LRRIQ3: variants seen among roughly 807,000 people sequenced by gnomAD.
The protein encoded by LRRIQ3 is leucine rich repeats and IQ motif containing 3, also known as leucine-rich repeat and IQ domain-containing protein 3.
LRRIQ3 carries 75 observed loss-of-function variants against 59.3 expected under a neutral mutation model. The observed-to-expected ratio is 1.26, with a 90% CI of 1.05 to 1.53. The LOEUF (loss-of-function observed/expected upper bound fraction) is 1.53. Ranked by LOEUF, LRRIQ3 falls within the 40% of genes most tolerant of loss-of-function variation. LRRIQ3 has a pLI of 0.00. For synonymous variants in LRRIQ3, 250 were observed against 231.3 expected (o/e 1.08, Z -0.73); for missense variants, 831 against 710.0 (o/e 1.17, Z -1.94).
chr1:74,121,435 C>A (rs564137516), intron 4 of LRRIQ3, among the ~76,000 whole-genome samples: 1 of 152,246 alleles, frequency 6.6e-6, no homozygotes, highest in East Asian at 1.9e-4. Context: ...GACTGCTGAA[C>A]CATAACCCCT....
At chr1:74,093,326 T>C (rs1353664592) in intron 5 of LRRIQ3, among the ~76,000 whole-genome samples, 2 of 152,054 alleles carry the variant, frequency 1.3e-5, no homozygotes, top group Admixed American at 6.6e-5. Context: ...TTTTTCCAGA[T>C]GTGTTTACTC....
At chr1:74,030,359 T>C (rs1222710425) in intron 7 of LRRIQ3, among the ~76,000 whole-genome samples, 1 of 152,104 alleles carries the variant, frequency 6.6e-6, no homozygotes, top group African/African-American at 2.4e-5. Context: ...GACTTCAAAC[T>C]ATACTACAAG....
rs182292606 is a variant in LRRIQ3, at chr1:74,190,759, T to C, written c.1-7075A>G. ...GAAAATCAAAGGTAAAAAAAAAATC[T>C]TGGAAAAAGCCAAAGAATTTTTAAA... On this transcript the variant is annotated intron_variant, in intron 1 of 7. Transcript: ENST00000354431. Among the ~76,000 whole-genome samples, 331 of 151,946 alleles carry C rather than the reference T, an allele frequency of 2.2e-3. 2 individuals are homozygous for C. Among genetic ancestry groups the C allele is most frequent in the Non-Finnish European group, 2.5e-3 (173 of 67,932 alleles).
At chr1:74,152,220 AAGACTAAACC>A (rs1434410944) in intron 4 of LRRIQ3, among the ~76,000 whole-genome samples, 8 of 152,002 alleles carry the variant, frequency 5.3e-5, no homozygotes, top group Non-Finnish European at 1.0e-4. Flanking sequence ...TTTATATATA[AAGACTAAACC>A]AGAAGGATTA....
At chr1:74,131,420 A>C (rs921570718) in intron 4 of LRRIQ3, among the ~76,000 whole-genome samples, 4 of 152,046 alleles carry the variant, frequency 2.6e-5, no homozygotes, top group African/African-American at 9.7e-5. Context: ...GAGACACAAC[A>C]AAAAAAGAGA....
At position 74,031,691 on chromosome 1, in the gene LRRIQ3, A is replaced by G. The variant is rs567862380; in HGVS notation, c.1719-4722T>C. ...AGGAGTTACTGGGTGCAGCACACCA[A>G]CATGGCACATGTATACATATGTAAC... On this transcript the variant is annotated intron_variant, in intron 7 of 7. Coordinates refer to ENST00000354431, the MANE Select transcript of LRRIQ3 (RefSeq NM_001105659.2). Among the ~76,000 whole-genome samples, 473 of 152,160 alleles carry G rather than the reference A, an allele frequency of 3.1e-3. 2 individuals are homozygous for G. Among genetic ancestry groups the G allele is most frequent in the African/African-American group, 0.011 (464 of 41,524 alleles).
At chr1:74,116,847 A>G (rs911209864) in intron 4 of LRRIQ3, among the ~76,000 whole-genome samples, 18 of 152,238 alleles carry the variant, frequency 1.2e-4, no homozygotes, top group African/African-American at 4.1e-4. Flanking sequence ...TTAATAAGGT[A>G]TAAATTGCAG....
intron 7 of LRRIQ3, among the ~76,000 whole-genome samples, chr1:74,027,334 T>C (rs1267147357): frequency 1.3e-5 from 2 of 152,124 alleles, no homozygotes; most frequent in African/African-American, 4.8e-5. Context: ...GTCAAAGTCC[T>C]AACTCCCAGT....
intron 3 of LRRIQ3, among the ~76,000 whole-genome samples, chr1:74,161,607 A>G (rs888905476): frequency 6.6e-6 from 1 of 151,902 alleles, no homozygotes; most frequent in African/African-American, 2.4e-5. Flanking sequence ...GAGGGAATTT[A>G]GATGATTAGA....
intron 6 of LRRIQ3, among the ~76,000 whole-genome samples, chr1:74,044,778 T>C (rs1203401628): frequency 6.6e-6 from 1 of 152,016 alleles, no homozygotes; most frequent in African/African-American, 2.4e-5. Flanking sequence ...ATAAAGGGGA[T>C]ATCACCACCG....
intron 5 of LRRIQ3, chr1:74,078,531 CATATT>C (rs1422179581): frequency 6.6e-6 from 1 of 151,732 alleles, no homozygotes; most frequent in Non-Finnish European, 1.5e-5. Context: ...CATGATAAGA[CATATT>C]ATATTATATT....
intron 3 of LRRIQ3, among the ~76,000 whole-genome samples, chr1:74,166,353 T>C (rs931137372): frequency 2.6e-5 from 4 of 151,660 alleles, no homozygotes; most frequent in African/African-American, 9.7e-5. Context: ...GTGTAGAATA[T>C]TTAGTATTAT....
intron 4 of LRRIQ3, 22 bp downstream of exon 4, chr1:74,155,711 T>A: frequency 1.3e-6 from 2 of 1,546,564 alleles, no homozygotes; most frequent in Non-Finnish European, 1.7e-6. Context: ...AATATTCAAA[T>A]GGTAAAGAAA....
At chr1:74,136,323 A>G (rs370107426) in intron 4 of LRRIQ3, among the ~76,000 whole-genome samples, 36 of 152,066 alleles carry the variant, frequency 2.4e-4, no homozygotes, top group African/African-American at 8.7e-4. Flanking sequence ...AATAATACCA[A>G]TCTTTTACAT....
chr1:74,039,988 T>C (rs1653993010), intron 7 of LRRIQ3, among the ~76,000 whole-genome samples: 1 of 152,138 alleles, frequency 6.6e-6, no homozygotes, highest in South Asian at 2.1e-4. Context: ...AGACACAGAC[T>C]GGCAAATAGT....
intron 3 of LRRIQ3, among the ~76,000 whole-genome samples, chr1:74,179,011 G>A (rs1273997785): frequency 3.9e-5 from 6 of 152,034 alleles, no homozygotes; most frequent in Non-Finnish European, 8.8e-5. Flanking sequence ...TACAAGGAAG[G>A]ACTTCCTATA....
At chr1:74,053,299 G>A (rs948611624) in intron 6 of LRRIQ3, among the ~76,000 whole-genome samples, 2 of 151,196 alleles carry the variant, frequency 1.3e-5, no homozygotes, top group Non-Finnish European at 2.9e-5. Context: ...AGAAGAAAAT[G>A]GAAGAAATCC....
intron 5 of LRRIQ3, among the ~76,000 whole-genome samples, chr1:74,078,025 T>C (rs1557604920): frequency 6.6e-6 from 1 of 151,924 alleles, no homozygotes; most frequent in African/African-American, 2.4e-5. Flanking sequence ...TAGCACTTAG[T>C]AAAGGAATAA....
At chr1:74,030,357 A>G (rs1367821423) in intron 7 of LRRIQ3, among the ~76,000 whole-genome samples, 1 of 152,148 alleles carries the variant, frequency 6.6e-6, no homozygotes, top group East Asian at 1.9e-4. Flanking sequence ...CTGACTTCAA[A>G]CTATACTACA....
Sources: allele counts gnomAD v4.1 joint callset (sites outside exome capture counted in the v4.1 genomes callset), GRCh38; gene constraint gnomAD v4.1.1; transcripts MANE v1.5; gene names NCBI Gene and HGNC (gene_info 2026-07-23, HGNC 2026-07-21).